Variants in PLD5 observed in about 807,000 individuals in gnomAD.
The protein encoded by PLD5 is phospholipase D family member 5.
A neutral mutation model predicts 61.1 loss-of-function variants in PLD5; 36 were observed. The observed-to-expected ratio is 0.59, with a 90% CI of 0.45 to 0.78. PLD5 has a LOEUF of 0.78. Among genes scored for constraint, PLD5 ranks in the 30% least tolerant of loss-of-function variants. The pLI, the probability that PLD5 is intolerant of heterozygous loss-of-function variation, is 0.00. For synonymous variants in PLD5, 243 were observed against 242.8 expected (o/e 1.00, Z -0.01); for missense variants, 515 against 644.4 (o/e 0.80, Z 2.17).
chr1:242,143,765 G>A (rs1664345397), intron 5 of PLD5, among the ~76,000 whole-genome samples: 1 of 152,146 alleles, frequency 6.6e-6, no homozygotes, highest in South Asian at 2.1e-4. Flanking sequence ...CACATGACTA[G>A]AGGGGGCTGA....
intron 1 of PLD5, among the ~76,000 whole-genome samples, chr1:242,393,040 C>G (rs1663026818): frequency 1.3e-5 from 2 of 150,450 alleles, no homozygotes; most frequent in Admixed American, 1.3e-4. Flanking sequence ...CCCGTCTCTA[C>G]TAAAAATGCA....
chr1:242,159,683 C>T (rs1421207604), intron 5 of PLD5, among the ~76,000 whole-genome samples: 1 of 152,112 alleles, frequency 6.6e-6, no homozygotes, highest in Non-Finnish European at 1.5e-5. Flanking sequence ...CTTCCCCCAG[C>T]TTCAATGGGT....
chr1:242,157,383 G>A (rs1665467133), intron 5 of PLD5, among the ~76,000 whole-genome samples: 1 of 152,168 alleles, frequency 6.6e-6, no homozygotes, highest in Admixed American at 6.5e-5. Flanking sequence ...TCTCTGTCCA[G>A]TTTTGCTCCC....
chr1:242,412,756 A>G (rs1471970370), intron 1 of PLD5, among the ~76,000 whole-genome samples: 1 of 152,222 alleles, frequency 6.6e-6, no homozygotes, highest in Non-Finnish European at 1.5e-5. Flanking sequence ...GCTATTGTAA[A>G]TGTAAAAGGT....
intron 4 of PLD5, among the ~76,000 whole-genome samples, chr1:242,246,478 A>AACACACAAACAC (rs1672366247): frequency 7.1e-6 from 1 of 141,106 alleles, no homozygotes; most frequent in Non-Finnish European, 1.5e-5. Context: ...TAGAAAAGAC[A>AACACACAAACAC]ACACACACAC....
At chr1:242,179,894 C>T (rs1377892196) in intron 5 of PLD5, among the ~76,000 whole-genome samples, 1 of 148,168 alleles carries the variant, frequency 6.7e-6, no homozygotes, top group East Asian at 2.0e-4. Context: ...CAGAGTGAGA[C>T]TCTGTCTCAA....
At chr1:242,113,796 C>T (rs1305016351) in intron 7 of PLD5, 94 bp downstream of exon 7, 1 of 1,424,736 alleles carries the variant, frequency 7.0e-7, no homozygotes, top group Non-Finnish European at 9.4e-7. Flanking sequence ...AACCTGATGG[C>T]ATCTCCATTT....
chr1:242,093,961 C>T (rs1395729378), intron 9 of PLD5, among the ~76,000 whole-genome samples: 4 of 150,244 alleles, frequency 2.7e-5, no homozygotes, highest in African/African-American at 7.4e-5. Flanking sequence ...TTAGGCTCAT[C>T]TCAGGAATCA....
chr1:242,364,741 A>G (rs1447805690), intron 1 of PLD5, among the ~76,000 whole-genome samples: 2 of 152,166 alleles, frequency 1.3e-5, no homozygotes, highest in Non-Finnish European at 2.9e-5. Context: ...GGAAAAAGAA[A>G]AGAAGAGAAG....
chr1:242,106,963 C>G lies in PLD5; in HGVS notation c.1239+708G>C, dbSNP rs147383656. 3.3e-3 allele frequency among the ~76,000 whole-genome samples: 499 copies of G among 152,216 alleles called. 1 individual carries two copies. Among genetic ancestry groups the G allele is most frequent in the African/African-American group, 0.012 (486 of 41,528 alleles). ...GGACTGGAGTAGAGTCAAACATGACCTAGAGAATTAACACATTTCAGGTAT... is the reference window on the plus strand; with the variant it reads ...GGACTGGAGTAGAGTCAAACATGACGTAGAGAATTAACACATTTCAGGTAT... On this transcript the variant is annotated intron_variant, in intron 8 of 9. Coordinates refer to ENST00000536534, the MANE Select transcript of PLD5 (RefSeq NM_001372062.1).
At chr1:242,115,446 G>C (rs1382776089) in intron 6 of PLD5, among the ~76,000 whole-genome samples, 2 of 151,886 alleles carry the variant, frequency 1.3e-5, no homozygotes, top group African/African-American at 4.8e-5. Context: ...TTTTTACTTA[G>C]GAGAGAATTC....
chr1:242,163,648 CTCCCAGCATTT>C (rs1666070743), intron 5 of PLD5, among the ~76,000 whole-genome samples: 1 of 152,188 alleles, frequency 6.6e-6, no homozygotes, highest in Non-Finnish European at 1.5e-5. Context: ...TTCATTCTAT[CTCCCAGCATTT>C]TCCCTGTCTT....
intron 5 of PLD5, among the ~76,000 whole-genome samples, chr1:242,153,866 G>A (rs1665134933): frequency 6.6e-6 from 1 of 152,132 alleles, no homozygotes; most frequent in Admixed American, 6.5e-5. Context: ...GAAGTTTAAA[G>A]TAGTTTTTTC....
chr1:242,089,956 C>G lies in PLD5; in HGVS notation c.1509G>C (p.Gln503His). 1.2e-6 allele frequency: 2 copies of G among 1,614,146 alleles called. No individual in the cohort carries two copies. Among genetic ancestry groups the G allele is most frequent in the Non-Finnish European group, 8.5e-7 (1 of 1,180,038 alleles). Residue 503 changes from glutamine (Q) to histidine (H), a missense_variant, in exon 10 of 10, where the codon CAG (glutamine) becomes CAC (histidine). Transcript: ENST00000536534. ...TTGAGCAGTTCGGCTGTTTGGTTGG[C>G]TGTAAGGTTTTGGCATACGGTGAAT... ...DWYSPYAKTL[Q>H]PTKQPNCSSL...
At chr1:242,454,226 G>A (rs758954727) in intron 1 of PLD5, among the ~76,000 whole-genome samples, 3 of 151,508 alleles carry the variant, frequency 2.0e-5, no homozygotes, top group South Asian at 2.1e-4. Context: ...CCAGCTACTC[G>A]AGAAGCTGAG....
intron 1 of PLD5, among the ~76,000 whole-genome samples, chr1:242,395,337 T>C (rs1663509454): frequency 6.6e-6 from 1 of 152,130 alleles, no homozygotes; most frequent in South Asian, 2.1e-4. Flanking sequence ...TGTTCTTTCC[T>C]GCTTGAAAAA....
intron 1 of PLD5, among the ~76,000 whole-genome samples, chr1:242,391,961 G>A (rs1414691947): frequency 6.6e-6 from 1 of 152,162 alleles, no homozygotes; most frequent in African/African-American, 2.4e-5. Flanking sequence ...ATACACTCAT[G>A]TTCATTGCAG....
chr1:242,305,452 C>T (rs1297398315), intron 2 of PLD5, among the ~76,000 whole-genome samples: 1 of 152,198 alleles, frequency 6.6e-6, no homozygotes, highest in East Asian at 1.9e-4. Flanking sequence ...GGATAATTTA[C>T]TAAGATACAT....
chr1:242,426,337 C>T (rs957345327), intron 1 of PLD5, among the ~76,000 whole-genome samples: 1 of 135,774 alleles, frequency 7.4e-6, no homozygotes, highest in African/African-American at 2.8e-5. Context: ...AAAAAGTTAA[C>T]AAACAGGAGT....
Sources: gnomAD v4.1 joint callset for allele counts (sites outside exome capture counted in the v4.1 genomes callset) on GRCh38, gnomAD v4.1.1 for gene constraint, MANE v1.5 for transcripts, NCBI Gene and HGNC (gene_info 2026-07-23, HGNC 2026-07-21) for gene names.